The following EPSTI1 variants were observed in gnomAD, a reference collection of about 807,000 sequenced individuals.
The protein encoded by EPSTI1 is epithelial-stromal interaction protein 1.
A neutral mutation model predicts 49.9 loss-of-function variants in EPSTI1; 66 were observed. The ratio of observed to expected loss-of-function variants is 1.32; its 90% CI spans 1.08 to 1.62. The LOEUF (loss-of-function observed/expected upper bound fraction) is 1.62, where lower values mean the gene tolerates loss of function less well. EPSTI1 is among the 40% of genes most tolerant of loss of function. The pLI, the probability that EPSTI1 is intolerant of heterozygous loss-of-function variation, is 0.00. For missense variants in EPSTI1, 394 were observed against 365.5 expected, an observed-to-expected ratio of 1.08 and a Z score of -0.64; for synonymous variants, 137 against 130.7, an observed-to-expected ratio of 1.05 and a Z score of -0.33.
chr13:42,926,026 T>A (rs74870588), intron 7 of EPSTI1, among the ~76,000 whole-genome samples: 9 of 142,628 alleles, frequency 6.3e-5, no homozygotes, highest in Admixed American at 2.1e-4. Context: ...GATGCATGGA[T>A]GGAAGGAAGG....
At chr13:42,929,500 T>C (rs982549441) in intron 6 of EPSTI1, among the ~76,000 whole-genome samples, 3 of 152,182 alleles carry the variant, frequency 2.0e-5, no homozygotes, top group African/African-American at 7.2e-5. Context: ...TTTCTAACAC[T>C]TTCTCCCTGA....
intron 10 of EPSTI1, among the ~76,000 whole-genome samples, chr13:42,894,407 C>T (rs2037127057): frequency 6.6e-6 from 1 of 152,162 alleles, no homozygotes; most frequent in African/African-American, 2.4e-5. Flanking sequence ...TTGCAAACCT[C>T]ACAATTATAT....
At chr13:42,968,267 T>C (rs2153432687) in intron 3 of EPSTI1, among the ~76,000 whole-genome samples, 1 of 152,120 alleles carries the variant, frequency 6.6e-6, no homozygotes, top group Middle Eastern at 3.4e-3. Context: ...ATAATATTAC[T>C]ATTACTTCCT....
At chr13:42,926,267 C>A (rs1327192345) in intron 7 of EPSTI1, 69 bp downstream of exon 7, 8 of 897,150 alleles carry the variant, frequency 8.9e-6, no homozygotes, top group African/African-American at 1.6e-5. Context: ...ACTCTATATC[C>A]CTCATCTTCA....
At chr13:42,930,885 T>G (rs1397170180) in intron 6 of EPSTI1, among the ~76,000 whole-genome samples, 1 of 152,184 alleles carries the variant, frequency 6.6e-6, no homozygotes, top group Non-Finnish European at 1.5e-5. Flanking sequence ...GTGGTTTACT[T>G]TGGGGGAGGA....
At chr13:42,975,158 C>T (rs2039856992) in intron 1 of EPSTI1, among the ~76,000 whole-genome samples, 1 of 152,110 alleles carries the variant, frequency 6.6e-6, no homozygotes, top group Non-Finnish European at 1.5e-5. Flanking sequence ...ATGTAAGAAT[C>T]AGAAACTTAC....
At chr13:42,895,194 G>T in intron 9 of EPSTI1, 86 bp from the exon 10 acceptor site, 1 of 996,952 alleles carries the variant, frequency 1.0e-6, no homozygotes, top group Non-Finnish European at 1.5e-6. Context: ...TGTATGAACT[G>T]ACCATGGGGA....
intron 5 of EPSTI1, among the ~76,000 whole-genome samples, chr13:42,955,707 T>C (rs1367126289): frequency 6.6e-6 from 1 of 151,674 alleles, no homozygotes; most frequent in Non-Finnish European, 1.5e-5. Context: ...GAGGCTGAGG[T>C]AGGAGAATCG....
In EPSTI1 at chr13:42,939,921, T is replaced by G. The variant is rs2038696152; in HGVS notation, c.564-13492A>C. On this transcript the variant is annotated intron_variant, in intron 6 of 10. Coordinates refer to ENST00000313624, the MANE Select transcript of EPSTI1 (RefSeq NM_033255.5). ...TTCTCTGCACTGACATCACTTAAGCTGAGCCACCACCAACTCTTATCTGGA... is the reference window on the plus strand; with the variant it reads ...TTCTCTGCACTGACATCACTTAAGCGGAGCCACCACCAACTCTTATCTGGA... Among the ~76,000 whole-genome samples, 2 of 152,254 alleles carry G rather than the reference T, an allele frequency of 1.3e-5. 1 individual carries two copies. The highest frequency in any genetic ancestry group is 4.1e-4 in the South Asian group (2 of 4,836).
At chr13:42,908,452 C>T (rs2037561203) in intron 8 of EPSTI1, among the ~76,000 whole-genome samples, 2 of 148,008 alleles carry the variant, frequency 1.4e-5, no homozygotes, top group Admixed American at 1.4e-4. Flanking sequence ...TGCCACTGCA[C>T]TCCAGCCTGG....
intron 1 of EPSTI1, among the ~76,000 whole-genome samples, chr13:42,973,808 ATT>A (rs374210424): frequency 1.3e-5 from 2 of 152,332 alleles, no homozygotes; most frequent in African/African-American, 4.8e-5. Context: ...AACATTTCGC[ATT>A]CTTGTCATTT....
chr13:42,947,430 C>T (rs2038951496), intron 6 of EPSTI1, among the ~76,000 whole-genome samples: 1 of 152,174 alleles, frequency 6.6e-6, no homozygotes, highest in Non-Finnish European at 1.5e-5. Flanking sequence ...GCCTTCTTCT[C>T]CTCCTTCTCA....
intron 8 of EPSTI1, among the ~76,000 whole-genome samples, chr13:42,902,610 A>C (rs1023685452): frequency 4.6e-5 from 7 of 152,208 alleles, no homozygotes; most frequent in South Asian, 4.1e-4. Flanking sequence ...TTTGATATGC[A>C]ATGTTTAACC....
chr13:42,906,572 C>G (rs2037505618), intron 8 of EPSTI1, among the ~76,000 whole-genome samples: 1 of 152,182 alleles, frequency 6.6e-6, no homozygotes, highest in Non-Finnish European at 1.5e-5. Flanking sequence ...TCATGAAGTT[C>G]AAGAATGCCT....
chr13:42,969,524 A>C (rs2039713165), intron 2 of EPSTI1: 1 of 238,248 alleles, frequency 4.2e-6, no homozygotes, highest in Admixed American at 5.3e-5. Context: ...GTGCAAAACT[A>C]GAATATTTTC....
chr13:42,964,435 G>A (rs942091662), intron 3 of EPSTI1, among the ~76,000 whole-genome samples: 1 of 152,146 alleles, frequency 6.6e-6, no homozygotes, highest in East Asian at 1.9e-4. Context: ...CATACCTAAA[G>A]GTCTGTGCTA....
At chr13:42,945,866 G>A (rs944009019) in intron 6 of EPSTI1, among the ~76,000 whole-genome samples, 1 of 152,156 alleles carries the variant, frequency 6.6e-6, no homozygotes, top group African/African-American at 2.4e-5. Context: ...CAATAGGTAG[G>A]AATTCCTCTG....
chr13:42,922,857 C>T lies in EPSTI1; in HGVS notation c.657+3479G>A, dbSNP rs1490180025. Among the ~76,000 whole-genome samples the T allele has an allele frequency of 5.3e-5, 8 of 152,200 alleles. No homozygotes were observed. Among genetic ancestry groups the T allele is most frequent in the South Asian group, 4.1e-4 (2 of 4,826 alleles). ...TAGAGCTTGGCCCCTCAGACATTAA[C>T]GTGCACACACATCTTCCATGGACTG... On this transcript the variant is annotated intron_variant, in intron 7 of 10. Coordinates refer to ENST00000313624, the MANE Select transcript of EPSTI1 (RefSeq NM_033255.5). This position sits in a 1 kb window ranked among gnomAD's most constrained non-coding sequence, Gnocchi z 4.8.
At chr13:42,938,914 CAAA>C (rs57079104) in intron 6 of EPSTI1, among the ~76,000 whole-genome samples, 14 of 59,676 alleles carry the variant, frequency 2.3e-4, no homozygotes, top group African/African-American at 9.3e-4. Context: ...GACTCTGTCT[CAAA>C]AAAAAAAAAA....
Sources: allele counts gnomAD v4.1 joint callset (sites outside exome capture counted in the v4.1 genomes callset), GRCh38; gene constraint gnomAD v4.1.1; non-coding constraint Gnocchi (gnomAD v3.1); transcripts MANE v1.5; gene names NCBI Gene and HGNC (gene_info 2026-07-23, HGNC 2026-07-21).